Variants in CFAP47 observed in about 807,000 individuals in gnomAD.
CFAP47 encodes cilia- and flagella-associated protein 47.
Under a neutral mutation model 148.1 loss-of-function variants are expected in CFAP47, and 29 were observed. The observed-to-expected ratio is 0.20, with a 90% confidence interval of 0.15 to 0.27. The LOEUF is 0.27. CFAP47 is among the 10% of genes least tolerant of loss of function. The pLI is 1.00. For missense variants in CFAP47, 1,872 were observed against 1,697.5 expected, an observed-to-expected ratio of 1.10 and a Z score of -1.81; for synonymous variants, 664 against 577.3, an observed-to-expected ratio of 1.15 and a Z score of -2.15.
chrX:35,924,399 GCA>G (rs745409512), intron 1 of CFAP47, among the ~76,000 whole-genome samples: 5 of 102,370 alleles, frequency 4.9e-5, no homozygotes, highest in Non-Finnish European at 7.8e-5. Flanking sequence ...GTGTATATAT[GCA>G]CACACATATG....
intron 1 of CFAP47, among the ~76,000 whole-genome samples, chrX:35,924,156 T>C (rs1243210565): frequency 6.8e-5 from 5 of 73,596 alleles, no homozygotes; most frequent in Non-Finnish European, 7.1e-5. Context: ...TATGCGTACA[T>C]ATATGTATAT....
intron 48 of CFAP47, 92 bp downstream of exon 48, chrX:36,236,951 A>G: frequency 2.4e-6 from 1 of 424,830 alleles, no homozygotes; most frequent in Non-Finnish European, 4.2e-6. Flanking sequence ...TTAAACATTT[A>G]GTTTTACTTA....
At position 36,138,045 on chromosome X, in the gene CFAP47, GC is replaced by G; in HGVS notation, c.5411del (p.Pro1804HisfsTer3). ...LVFATQLGAY[C>X]PFLIESHFIN... is the part of the protein sequence containing the mutation. ...TTTGCAACACAGTTGGGAGCCTATT[GC>G]CCATTCTTGGTAAGAGTCGTTTTTA... is the stretch of plus-strand genomic sequence containing the variant. On this transcript the variant is annotated frameshift_variant, in exon 34 of 64. Coordinates refer to ENST00000378653, the MANE Select transcript of CFAP47 (RefSeq NM_001304548.2). LOFTEE classifies it high-confidence loss of function. 2.3e-6 allele frequency: 2 copies of G among 859,006 alleles called. No homozygotes were observed. Among genetic ancestry groups the G allele is most frequent in the Non-Finnish European group, 3.4e-6 (2 of 586,728 alleles). The allele number at this position is 859,006 out of a possible 1,213,427, so 70.8% of individuals were successfully genotyped here. A position where few individuals can be genotyped will look rare whatever the true frequency, so the allele number is the denominator to read the frequency against.
chrX:36,339,858 A>C (rs1232242220), intron 57 of CFAP47, among the ~76,000 whole-genome samples: 2 of 112,305 alleles, frequency 1.8e-5, no homozygotes, highest in East Asian at 5.6e-4. Context: ...TCATATTTGC[A>C]CTGAATAACC....
chrX:36,362,971 C>T (rs995316014), intron 61 of CFAP47, among the ~76,000 whole-genome samples: 4 of 111,202 alleles, frequency 3.6e-5, no homozygotes, highest in Admixed American at 1.9e-4. Context: ...ATGGAAATTA[C>T]AGCAACACTA....
At chrX:36,021,058 C>T (rs1937151798) in intron 22 of CFAP47, among the ~76,000 whole-genome samples, 1 of 110,855 alleles carries the variant, frequency 9.0e-6, no homozygotes, top group African/African-American at 3.3e-5. Flanking sequence ...AAGCTAATAA[C>T]AAGGTAACAC....
intron 1 of CFAP47, among the ~76,000 whole-genome samples, chrX:35,923,123 A>G (rs183527105): frequency 9.0e-6 from 1 of 111,106 alleles, no homozygotes; most frequent in Non-Finnish European, 1.9e-5. Context: ...CTGCTTCCTT[A>G]AAGAGATTAT....
chrX:36,319,668 G>C (rs1216045465), intron 57 of CFAP47, among the ~76,000 whole-genome samples: 1 of 110,795 alleles, frequency 9.0e-6, no homozygotes, highest in African/African-American at 3.3e-5. Flanking sequence ...ATAAAAAGTA[G>C]TATATTGATA....
At chrX:36,323,809 A>G (rs1473783436) in intron 57 of CFAP47, among the ~76,000 whole-genome samples, 2 of 111,769 alleles carry the variant, frequency 1.8e-5, no homozygotes, top group Non-Finnish European at 3.8e-5. Context: ...ATGTAGTTAT[A>G]TGTTGACCTA....
intron 2 of CFAP47, among the ~76,000 whole-genome samples, chrX:35,940,080 G>A (rs1204239266): frequency 9.0e-6 from 1 of 111,239 alleles, no homozygotes; most frequent in Non-Finnish European, 1.9e-5. Context: ...TTTTTTGGCT[G>A]CATAAATGTC....
At chrX:36,303,698 A>G in intron 53 of CFAP47, 151 bp from the exon 54 acceptor site, 1 of 353,228 alleles carries the variant, frequency 2.8e-6, no homozygotes, top group Admixed American at 5.6e-5. Flanking sequence ...CTATTTCCAG[A>G]TAATATCACA....
intron 37 of CFAP47, among the ~76,000 whole-genome samples, chrX:36,156,381 A>C (rs1161086799): frequency 3.6e-5 from 4 of 111,550 alleles, no homozygotes; most frequent in Non-Finnish European, 7.6e-5. Context: ...GAAAATGTTA[A>C]ACAGCTACAC....
chrX:36,064,070 A>C (rs1337438178), intron 26 of CFAP47, among the ~76,000 whole-genome samples: 1 of 112,184 alleles, frequency 8.9e-6, no homozygotes, highest in Non-Finnish European at 1.9e-5. Flanking sequence ...TAGTTAAAAC[A>C]AAAAGTAATA....
chrX:36,235,540 G>C (rs1192791999), intron 46 of CFAP47, among the ~76,000 whole-genome samples: 6 of 112,466 alleles, frequency 5.3e-5, no homozygotes, highest in African/African-American at 1.6e-4. Flanking sequence ...CTTTGACTAG[G>C]AAAGGGAACT....
At chrX:35,924,317 A>ATGTATGTG in intron 1 of CFAP47, among the ~76,000 whole-genome samples, 1 of 105,627 alleles carries the variant, frequency 9.5e-6, no homozygotes, top group East Asian at 3.0e-4. Context: ...ATATATGTAC[A>ATGTATGTG]TGTATGTGTA....
chrX:36,137,205 G>T (rs959225331), intron 33 of CFAP47, among the ~76,000 whole-genome samples: 1 of 110,978 alleles, frequency 9.0e-6, no homozygotes, highest in East Asian at 2.8e-4. Flanking sequence ...ATCACCATTT[G>T]CCCCTTGTTT....
At chrX:35,924,256 CATGT>C (rs764308479) in intron 1 of CFAP47, among the ~76,000 whole-genome samples, 1 of 87,182 alleles carries the variant, frequency 1.1e-5, no homozygotes, top group Admixed American at 1.2e-4. Context: ...TGCATATGGA[CATGT>C]ATGTGTACAT....
At chrX:36,262,525 T>C (rs1292529478) in intron 49 of CFAP47, among the ~76,000 whole-genome samples, 11 of 112,345 alleles carry the variant, frequency 9.8e-5, no homozygotes, top group Admixed American at 1.9e-4. Context: ...ATTGCATCTA[T>C]GTTATTACAA....
chrX:35,939,563 C>T (rs1475717325), intron 2 of CFAP47, among the ~76,000 whole-genome samples: 10 of 90,400 alleles, frequency 1.1e-4, no homozygotes, highest in African/African-American at 2.9e-4. Context: ...TTTGTTCTTG[C>T]GATAGTTTAC....
Sources: allele counts gnomAD v4.1 joint callset (sites outside exome capture counted in the v4.1 genomes callset), GRCh38; gene constraint gnomAD v4.1.1; transcripts MANE v1.5; gene names NCBI Gene and HGNC (gene_info 2026-07-23, HGNC 2026-07-21).